SCIN: variants seen among roughly 807,000 people sequenced by gnomAD.
The protein encoded by SCIN is adseverin.
SCIN carries 91 observed loss-of-function variants against 91.8 expected under a neutral mutation model. The observed-to-expected ratio is 0.99, with a 90% CI of 0.84 to 1.18. SCIN has a LOEUF of 1.18. SCIN is among the 50% of genes most tolerant of loss of function. The probability of loss-of-function intolerance (pLI) is 0.00; values close to 1 mark genes in which losing one functional copy is unlikely to be tolerated. For synonymous variants in SCIN, 367 were observed against 312.6 expected, an observed-to-expected ratio of 1.17 and a Z score of -1.84; for missense variants, 1,087 against 863.9, an observed-to-expected ratio of 1.26 and a Z score of -3.24.
At chr7:12,641,626 T>G (rs540363440) in intron 11 of SCIN, among the ~76,000 whole-genome samples, 1 of 152,280 alleles carries the variant, frequency 6.6e-6, no homozygotes. Context: ...CATGGTCCTA[T>G]ACTAAATTTT....
rs1784159625 is a variant in SCIN, at chr7:12,656,187, A to C, written c.*3472A>C. On this transcript the variant is annotated 3_prime_UTR_variant, in exon 16 of 16. Coordinates refer to ENST00000297029, the MANE Select transcript of SCIN (RefSeq NM_001112706.3). ...TTTTGGCCTCCAGTAATGATTAGGA[A>C]CACACTATAAACATAAAACATCAGT... 6.6e-6 allele frequency: 1 copy of C among 152,156 alleles called. No individual in the cohort carries two copies. The highest frequency in any genetic ancestry group is 6.5e-5 in the Admixed American group (1 of 15,278). The allele number at this position is 152,156 out of a possible 1,614,324, so 9.4% of individuals were successfully genotyped here. A position where few individuals can be genotyped will look rare whatever the true frequency, so the allele number is the denominator to read the frequency against.
intron 3 of SCIN, among the ~76,000 whole-genome samples, chr7:12,590,310 G>A (rs924910446): frequency 6.6e-6 from 1 of 152,166 alleles, no homozygotes; most frequent in Non-Finnish European, 1.5e-5. Flanking sequence ...TCCTCCCCTG[G>A]GAGTGTTCCT....
chr7:12,657,921 A>C lies in SCIN; in HGVS notation c.*5206A>C, dbSNP rs1784201614. The C allele has an allele frequency of 1.3e-5, 2 of 152,130 alleles. No individual in the cohort carries two copies. The highest frequency in any genetic ancestry group is 1.3e-4 in the Admixed American group (2 of 15,262). 9.4% of individuals were successfully genotyped at this position (152,130 alleles called of 1,614,324 possible). A position where few individuals can be genotyped will look rare whatever the true frequency, so the allele number is the denominator to read the frequency against. On this transcript the variant is annotated 3_prime_UTR_variant, in exon 16 of 16. Transcript: ENST00000297029. ...GTCATATTTCCTGTTGCCTATAAAA[A>C]ATTGATGCTTTAATTTAGTTAACAT...
intron 3 of SCIN, among the ~76,000 whole-genome samples, chr7:12,599,366 G>GGTGT (rs1782908889): frequency 8.8e-6 from 1 of 113,810 alleles, no homozygotes; most frequent in Non-Finnish European, 1.9e-5. Context: ...TGTATTTCAT[G>GGTGT]GTGAGTGTGT....
intron 11 of SCIN, 138 bp downstream of exon 11, chr7:12,640,655 T>A: frequency 5.2e-6 from 4 of 770,756 alleles, no homozygotes; most frequent in Non-Finnish European, 7.3e-6. Flanking sequence ...TTCAAAATTT[T>A]AAAAACATTT....
intron 3 of SCIN, 68 bp downstream of exon 3, chr7:12,581,289 C>T (rs967230387): frequency 3.5e-6 from 5 of 1,437,200 alleles, no homozygotes; most frequent in African/African-American, 1.4e-5. Context: ...ATCATATGTA[C>T]ATGTCATTGA....
intron 8 of SCIN, among the ~76,000 whole-genome samples, chr7:12,628,609 G>A (rs1258387393): frequency 1.3e-5 from 2 of 152,118 alleles, no homozygotes. Flanking sequence ...ATACATTGTG[G>A]AGGGACTCAA....
At chr7:12,596,294 TCCA>T (rs1782839496) in intron 3 of SCIN, 1 of 451,704 alleles carries the variant, frequency 2.2e-6, no homozygotes. Flanking sequence ...AAGGTCATAC[TCCA>T]CCATGTTGTC....
intron 10 of SCIN, 59 bp downstream of exon 10, chr7:12,636,194 T>C (rs1783749041): frequency 1.7e-6 from 2 of 1,206,370 alleles, no homozygotes; most frequent in Non-Finnish European, 2.4e-6. Context: ...GCTCAATGGA[T>C]AGCTATAGCT....
intron 3 of SCIN, among the ~76,000 whole-genome samples, chr7:12,602,231 T>G (rs998317714): frequency 4.6e-5 from 7 of 152,174 alleles, no homozygotes; most frequent in Admixed American, 1.3e-4. Context: ...CCAGCAAGTT[T>G]TATTAAGGAT....
chr7:12,630,326 A>G (rs1783615863), intron 9 of SCIN, among the ~76,000 whole-genome samples: 1 of 152,174 alleles, frequency 6.6e-6, no homozygotes, highest in Non-Finnish European at 1.5e-5. Context: ...CAAAGGCAGA[A>G]CCTGCATTTT....
intron 3 of SCIN, among the ~76,000 whole-genome samples, chr7:12,586,529 C>CA (rs1375455345): frequency 2.0e-5 from 3 of 151,582 alleles, no homozygotes; most frequent in Non-Finnish European, 4.4e-5. Flanking sequence ...GGAAGTTTCT[C>CA]AAAAAAAATA....
chr7:12,591,334 G>A (rs921253535), intron 3 of SCIN, among the ~76,000 whole-genome samples: 2 of 152,170 alleles, frequency 1.3e-5, no homozygotes, highest in African/African-American at 4.8e-5. Flanking sequence ...GAGAACTGTG[G>A]ACGGTGGTAT....
At chr7:12,628,451 T>G (rs1053504694) in intron 8 of SCIN, among the ~76,000 whole-genome samples, 8 of 152,204 alleles carry the variant, frequency 5.3e-5, no homozygotes. Context: ...GACTTTTTGC[T>G]GCATCCTCAC....
At chr7:12,645,288 A>G (rs1402396630) in intron 13 of SCIN, among the ~76,000 whole-genome samples, 2 of 152,118 alleles carry the variant, frequency 1.3e-5, no homozygotes, top group African/African-American at 4.8e-5. Context: ...CACTGGCACC[A>G]CTGTGTTCCA....
intron 13 of SCIN, among the ~76,000 whole-genome samples, chr7:12,645,480 C>T (rs549385833): frequency 4.6e-5 from 7 of 152,286 alleles, no homozygotes; most frequent in Middle Eastern, 3.4e-3. Context: ...TTGCTCTACA[C>T]AGGGTATTTT....
Position 12,597,980 on chromosome 7 carries a change from G to T in SCIN, c.517-6534G>T, listed in dbSNP as rs188101702. Among the ~76,000 whole-genome samples the T allele has an allele frequency of 3.1e-3, 465 of 152,172 alleles. 3 individuals carry two copies. The highest frequency in any genetic ancestry group is 0.011 in the African/African-American group (445 of 41,514). ...TATTTACAGGGCTTTTTTAAACATT[G>T]CTTCCCTAGAGAAATATGATATTTA... On this transcript the variant is annotated intron_variant, in intron 3 of 15. Coordinates refer to ENST00000297029, the MANE Select transcript of SCIN (RefSeq NM_001112706.3).
chr7:12,644,279 T>C lies in SCIN; in HGVS notation c.1723T>C (p.Cys575Arg), dbSNP rs1297625964. 4 of 1,596,882 alleles carry C rather than the reference T, an allele frequency of 2.5e-6. No homozygotes were observed. Among genetic ancestry groups the C allele is most frequent in the Non-Finnish European group, 3.4e-6 (4 of 1,171,280 alleles). The change falls in exon 12 of 16, where the codon TGC (cysteine) becomes CGC (arginine). Residue 575 changes from cysteine to arginine, a missense_variant. Cys to Arg is a radical substitution (Grantham distance 180). Transcript: ENST00000297029. ...GAEYVASVLK[C>R]KTLRIQEGEE... ...AGAGTATGTAGCAAGTGTCCTAAAGTGCAAAACCTTAAGGATCCAAGAAGG... is the reference window on the plus strand; with the variant it reads ...AGAGTATGTAGCAAGTGTCCTAAAGCGCAAAACCTTAAGGATCCAAGAAGG...
intron 3 of SCIN, among the ~76,000 whole-genome samples, chr7:12,603,246 G>A (rs183778809): frequency 5.7e-4 from 87 of 151,992 alleles, no homozygotes; most frequent in African/African-American, 2.0e-3. Context: ...CCGGGTTCAC[G>A]CCATTCTCCT....
Sources: allele counts gnomAD v4.1 joint callset (sites outside exome capture counted in the v4.1 genomes callset), GRCh38; gene constraint gnomAD v4.1.1; transcripts MANE v1.5; gene names NCBI Gene and HGNC (gene_info 2026-07-23, HGNC 2026-07-21).